The following MYRIP variants were observed in gnomAD, a reference collection of about 807,000 sequenced individuals.
The protein encoded by MYRIP is rab effector MyRIP.
A neutral mutation model predicts 98.0 loss-of-function variants in MYRIP; 49 were observed. That is an observed-to-expected ratio of 0.50 (90% CI 0.40 to 0.63). The LOEUF (loss-of-function observed/expected upper bound fraction) is 0.63, where lower values mean the gene tolerates loss of function less well. Ranked by LOEUF, MYRIP falls within the 30% of genes least tolerant of loss-of-function variation. The pLI is 0.00. For synonymous variants in MYRIP, 404 were observed against 409.5 expected, an observed-to-expected ratio of 0.99 and a Z score of 0.16; for missense variants, 1,004 against 1,058.2, an observed-to-expected ratio of 0.95 and a Z score of 0.71.
chr3:39,945,389 A>G (rs576540040), intron 2 of MYRIP, among the ~76,000 whole-genome samples: 4 of 148,256 alleles, frequency 2.7e-5, no homozygotes, highest in African/African-American at 9.9e-5. Context: ...AGACAGGTGA[A>G]TCACTTGAAC....
intron 1 of MYRIP, among the ~76,000 whole-genome samples, chr3:39,869,851 T>C (rs1942732440): frequency 6.6e-6 from 1 of 152,164 alleles, no homozygotes; most frequent in African/African-American, 2.4e-5. Context: ...AATGTGTGGC[T>C]CCTCATCTCA....
At chr3:40,159,686 G>A (rs549475678) in intron 4 of MYRIP, among the ~76,000 whole-genome samples, 2 of 152,154 alleles carry the variant, frequency 1.3e-5, no homozygotes, top group Non-Finnish European at 1.5e-5. Context: ...TGGAGGCTTT[G>A]CTCATTTCTT....
chr3:40,059,772 T>C (rs1363040520), intron 3 of MYRIP, among the ~76,000 whole-genome samples: 1 of 152,336 alleles, frequency 6.6e-6, no homozygotes, highest in East Asian at 1.9e-4. Context: ...TTTTAGATAC[T>C]GGTCTAAGCC....
At chr3:40,014,960 C>T (rs1946830154) in intron 2 of MYRIP, among the ~76,000 whole-genome samples, 2 of 152,186 alleles carry the variant, frequency 1.3e-5, no homozygotes, top group Non-Finnish European at 2.9e-5. Flanking sequence ...TGGTCTTTCA[C>T]ACTCATCTCA....
intron 2 of MYRIP, among the ~76,000 whole-genome samples, chr3:40,035,256 G>C (rs954558903): frequency 6.6e-6 from 1 of 151,300 alleles, no homozygotes. Context: ...AAAAGAAAAA[G>C]AAATCAAAAC....
intron 3 of MYRIP, among the ~76,000 whole-genome samples, chr3:40,075,846 T>G (rs1366877263): frequency 6.6e-6 from 1 of 152,092 alleles, no homozygotes; most frequent in East Asian, 1.9e-4. Context: ...TTTTACAGTT[T>G]TGTCTGTATT....
intron 3 of MYRIP, among the ~76,000 whole-genome samples, chr3:40,095,884 T>TCTC (rs1186535189): frequency 1.3e-5 from 2 of 151,218 alleles, no homozygotes; most frequent in African/African-American, 4.9e-5. Flanking sequence ...TCCTTCTCCT[T>TCTC]CTCCTACCAC....
chr3:40,187,458 T>G (rs887070417), intron 9 of MYRIP, among the ~76,000 whole-genome samples: 2 of 152,234 alleles, frequency 1.3e-5, no homozygotes, highest in African/African-American at 4.8e-5. Flanking sequence ...ATTTCCTCCC[T>G]GAGCAGGCAT....
chr3:39,859,383 C>G (rs1330739754), intron 1 of MYRIP, among the ~76,000 whole-genome samples: 1 of 152,076 alleles, frequency 6.6e-6, no homozygotes, highest in Non-Finnish European at 1.5e-5. Flanking sequence ...ATTTAGTAAT[C>G]AAAAACCTGC....
At chr3:40,219,812 T>C (rs1952274234) in intron 11 of MYRIP, among the ~76,000 whole-genome samples, 1 of 151,858 alleles carries the variant, frequency 6.6e-6, no homozygotes, top group African/African-American at 2.4e-5. Flanking sequence ...CATGTGTCTT[T>C]ATAGCAGCAT....
intron 1 of MYRIP, among the ~76,000 whole-genome samples, chr3:39,810,281 G>A (rs1011524030): frequency 1.3e-5 from 2 of 152,190 alleles, no homozygotes; most frequent in African/African-American, 2.4e-5. Flanking sequence ...GCACCGGCGG[G>A]ACGCCTCAAA....
At position 40,259,917 on chromosome 3, in the gene MYRIP, A is replaced by G. The variant is rs1430378336; in HGVS notation, c.*1751A>G. ...CTATTGTTGTGTTACAGTGTTAAAAATATTCAGTTTTCTTTGACAAAAATG... is the reference window on the plus strand; with the variant it reads ...CTATTGTTGTGTTACAGTGTTAAAAGTATTCAGTTTTCTTTGACAAAAATG... On this transcript the variant is annotated 3_prime_UTR_variant, in exon 17 of 17. Coordinates refer to ENST00000302541, the MANE Select transcript of MYRIP (RefSeq NM_015460.4). 6.5e-6 allele frequency: 1 copy of G among 152,684 alleles called. No homozygotes were observed. Among genetic ancestry groups the G allele is most frequent in the Non-Finnish European group, 1.5e-5 (1 of 68,034 alleles). The allele number at this position is 152,684 out of a possible 1,614,324, so 9.5% of individuals were successfully genotyped here.
chr3:39,824,786 G>A (rs2125577151), intron 1 of MYRIP, among the ~76,000 whole-genome samples: 1 of 151,814 alleles, frequency 6.6e-6, no homozygotes, highest in East Asian at 1.9e-4. Flanking sequence ...CATGATCATA[G>A]CTCACTGCAG....
chr3:39,923,048 A>C (rs1202558769), intron 2 of MYRIP, among the ~76,000 whole-genome samples: 1 of 152,206 alleles, frequency 6.6e-6, no homozygotes, highest in Non-Finnish European at 1.5e-5. Flanking sequence ...CCAAGTAGAA[A>C]TTTTAGATGT....
intron 9 of MYRIP, 144 bp from the exon 10 acceptor site, chr3:40,189,682 G>T: frequency 1.3e-6 from 1 of 783,650 alleles, no homozygotes; most frequent in Non-Finnish European, 2.0e-6. Flanking sequence ...CCCACCAATT[G>T]GGTTTGCCTT....
At chr3:39,856,220 AT>A (rs1276879325) in intron 1 of MYRIP, among the ~76,000 whole-genome samples, 1 of 152,264 alleles carries the variant, frequency 6.6e-6, no homozygotes, top group East Asian at 1.9e-4. Flanking sequence ...CTTTCAAATG[AT>A]TTGTGAATTC....
At chr3:39,847,028 G>C (rs915058449) in intron 1 of MYRIP, among the ~76,000 whole-genome samples, 2 of 152,160 alleles carry the variant, frequency 1.3e-5, no homozygotes, top group Non-Finnish European at 2.9e-5. Flanking sequence ...ATTAAGCAGG[G>C]CAATCTCTTT....
intron 10 of MYRIP, among the ~76,000 whole-genome samples, chr3:40,196,638 G>T (rs568535513): frequency 6.6e-6 from 1 of 152,266 alleles, no homozygotes; most frequent in South Asian, 2.1e-4. Context: ...CAGTTTTTGT[G>T]AATGTTTTAT....
At chr3:40,249,920 G>A (rs1372831505) in intron 13 of MYRIP, among the ~76,000 whole-genome samples, 1 of 152,090 alleles carries the variant, frequency 6.6e-6, no homozygotes, top group Non-Finnish European at 1.5e-5. Flanking sequence ...GAGCCAGGTG[G>A]CCCCGGGCCA....
Sources: allele counts gnomAD v4.1 joint callset (sites outside exome capture counted in the v4.1 genomes callset), GRCh38; gene constraint gnomAD v4.1.1; transcripts MANE v1.5; gene names NCBI Gene and HGNC (gene_info 2026-07-23, HGNC 2026-07-21).